Variants in PUDP observed in about 807,000 individuals in gnomAD.
PUDP encodes the protein pseudouridine-5'-phosphatase.
In PUDP, 8 loss-of-function variants were observed where a neutral mutation model predicts 9.4. That is an observed-to-expected ratio of 0.85 (90% confidence interval 0.50 to 1.53). The LOEUF is 1.53. PUDP is among the 40% of genes most tolerant of loss of function. The probability of loss-of-function intolerance (pLI) is 0.00; values close to 1 mark genes in which losing one functional copy is unlikely to be tolerated. For missense variants in PUDP, 188 were observed against 189.7 expected (o/e 0.99, Z 0.05); for synonymous variants, 99 against 80.7 (o/e 1.23, Z -1.22).
upstream of PUDP, among the ~76,000 whole-genome samples, chrX:6,724,331 T>C (rs1324552818): frequency 8.1e-5 from 9 of 111,121 alleles, no homozygotes; most frequent in African/African-American, 2.0e-4. Context: ...CATCTCATTA[T>C]GCATTTACTA....
intron 3 of PUDP, among the ~76,000 whole-genome samples, chrX:6,900,517 A>C (rs1927663900): frequency 1.3e-5 from 1 of 79,360 alleles, no homozygotes; most frequent in African/African-American, 4.1e-5. Flanking sequence ...GAGAGAGGGA[A>C]GGAGAGAGAA....
At chrX:6,750,730 G>C (rs1925059891) in intron 3 of PUDP, among the ~76,000 whole-genome samples, 1 of 111,983 alleles carries the variant, frequency 8.9e-6, no homozygotes, top group South Asian at 3.8e-4. Context: ...GTTTCCATCA[G>C]TGGCAGTTTG....
intron 3 of PUDP, 116 bp from the exon 4 acceptor site, chrX:7,050,588 C>T (rs747321685): frequency 6.0e-5 from 39 of 648,622 alleles, no homozygotes; most frequent in Non-Finnish European, 8.5e-5. Flanking sequence ...GACAGAATTA[C>T]AGTGGGGGCT....
intron 1 of PUDP, among the ~76,000 whole-genome samples, chrX:6,714,033 A>G (rs780939429): frequency 9.0e-6 from 1 of 110,676 alleles, no homozygotes; most frequent in Admixed American, 9.7e-5. Flanking sequence ...CTGGGACTCC[A>G]GGCGCACACC....
intron 2 of PUDP, among the ~76,000 whole-genome samples, chrX:7,082,302 A>G (rs1931119652): frequency 8.9e-6 from 1 of 112,339 alleles, no homozygotes; most frequent in African/African-American, 3.2e-5. Flanking sequence ...ATGTGCAATT[A>G]AACAGGATTA....
intron 1 of PUDP, among the ~76,000 whole-genome samples, chrX:7,110,688 T>C (rs926636422): frequency 2.7e-5 from 3 of 109,541 alleles, no homozygotes; most frequent in Non-Finnish European, 3.8e-5. Context: ...GAGATAGGGG[T>C]GCGGCAGTTT....
chrX:6,741,510 TAAG>T (rs1035919605), intron 3 of PUDP, among the ~76,000 whole-genome samples: 1 of 111,439 alleles, frequency 9.0e-6, no homozygotes, highest in Non-Finnish European at 1.9e-5. Flanking sequence ...TATACATAGA[TAAG>T]ATAGATATAG....
At position 6,883,990 on chromosome X, in the gene PUDP, G is replaced by A. The variant is rs534421986; in HGVS notation, c.*247+93143C>T. Among the ~76,000 whole-genome samples the A allele has an allele frequency of 8.1e-5, 9 of 110,961 alleles. No homozygotes were observed. The South Asian group carries it at 1.9e-3, about 24-fold the overall frequency. On this transcript the variant is annotated intron_variant and NMD_transcript_variant, in intron 3 of 3. Coordinates refer to the PUDP transcript ENST00000655425. ...CAAGTAGCTGGGACTACAGGCGCCC[G>A]CCACCACGCCCAGCTAATTTTTTAT... is the stretch of plus-strand genomic sequence containing the variant.
At chrX:7,144,478 T>C (rs1247212072) in intron 1 of PUDP, among the ~76,000 whole-genome samples, 1 of 112,124 alleles carries the variant, frequency 8.9e-6, no homozygotes, top group Non-Finnish European at 1.9e-5. Context: ...GGCCACACAG[T>C]GGACATGACT....
At chrX:6,877,932 G>A (rs1927290057) in intron 3 of PUDP, among the ~76,000 whole-genome samples, 1 of 111,879 alleles carries the variant, frequency 8.9e-6, no homozygotes, top group South Asian at 3.7e-4. Flanking sequence ...GGACAAGAAC[G>A]CGGGTTAGGC....
chrX:6,751,725 C>A (rs1041368507), intron 3 of PUDP, among the ~76,000 whole-genome samples: 3 of 111,442 alleles, frequency 2.7e-5, no homozygotes, highest in Non-Finnish European at 3.8e-5. Flanking sequence ...CCTCACTTCT[C>A]ACCTCAGAAA....
At chrX:6,884,550 C>A (rs984594824) in intron 3 of PUDP, among the ~76,000 whole-genome samples, 1 of 111,864 alleles carries the variant, frequency 8.9e-6, no homozygotes, top group African/African-American at 3.2e-5. Flanking sequence ...TACAAGAAAG[C>A]AAATTCATCC....
intron 3 of PUDP, among the ~76,000 whole-genome samples, chrX:6,839,902 T>C (rs865878294): frequency 9.3e-6 from 1 of 107,641 alleles, no homozygotes; most frequent in Non-Finnish European, 1.9e-5. Context: ...TGCCCCCCCC[T>C]CCCCCATACA....
chrX:7,088,445 C>T (rs368870989), intron 2 of PUDP, among the ~76,000 whole-genome samples: 7 of 111,510 alleles, frequency 6.3e-5, no homozygotes, highest in South Asian at 3.8e-4. Context: ...CCTACTGACC[C>T]TAAGTGCCCC....
intron 1 of PUDP, among the ~76,000 whole-genome samples, chrX:6,714,843 T>C (rs187230404): frequency 9.0e-6 from 1 of 111,655 alleles, no homozygotes; most frequent in East Asian, 2.8e-4. Context: ...CATTTATTCC[T>C]CCTTTAACAC....
intron 3 of PUDP, among the ~76,000 whole-genome samples, chrX:6,901,289 C>A (rs915950333): frequency 2.7e-5 from 3 of 111,844 alleles, no homozygotes; most frequent in Non-Finnish European, 5.6e-5. Flanking sequence ...GGAACTCTAA[C>A]AAGATTTCTC....
chrX:6,856,072 C>T (rs1035486183), intron 3 of PUDP, among the ~76,000 whole-genome samples: 4 of 111,414 alleles, frequency 3.6e-5, no homozygotes, highest in Non-Finnish European at 3.8e-5. Context: ...GCTTTGAGAT[C>T]GGAGGAACTG....
chrX:6,976,593 C>T (rs182486150), intron 3 of PUDP, among the ~76,000 whole-genome samples: 26 of 111,982 alleles, frequency 2.3e-4, no homozygotes, highest in Admixed American at 6.6e-4. Flanking sequence ...CAGAAATCAT[C>T]TGCCTTTTGC....
chrX:7,052,297 A>G (rs1171034672), intron 3 of PUDP, among the ~76,000 whole-genome samples: 1 of 110,954 alleles, frequency 9.0e-6, no homozygotes, highest in Non-Finnish European at 1.9e-5. Flanking sequence ...TCGGCCTCCC[A>G]AAGTGCTGGG....
Sources: gnomAD v4.1 joint callset for allele counts (sites outside exome capture counted in the v4.1 genomes callset) on GRCh38, gnomAD v4.1.1 for gene constraint, MANE v1.5 for transcripts, NCBI Gene and HGNC (gene_info 2026-07-23, HGNC 2026-07-21) for gene names.